The following TEX11 variants were observed in gnomAD, a reference collection of about 807,000 sequenced individuals.
TEX11 encodes testis expressed 11, also known as testis-expressed protein 11.
TEX11 carries 7 observed loss-of-function variants against 84.4 expected under a neutral mutation model. That is an observed-to-expected ratio of 0.08 (90% CI 0.05 to 0.16). TEX11 has a LOEUF of 0.16. Ranked by LOEUF, TEX11 falls within the 10% of genes least tolerant of loss-of-function variation. The pLI is 1.00. For synonymous variants in TEX11, 264 were observed against 222.8 expected, an observed-to-expected ratio of 1.18 and a Z score of -1.64; for missense variants, 551 against 660.5, an observed-to-expected ratio of 0.83 and a Z score of 1.82.
At chrX:70,679,500 C>T (rs1489069197) in intron 14 of TEX11, among the ~76,000 whole-genome samples, 3 of 109,840 alleles carry the variant, frequency 2.7e-5, no homozygotes, top group South Asian at 8.0e-4. Context: ...TGAGGAGCGC[C>T]TCTTCCCGGC....
chrX:70,788,685 AACACACACACACACACACACAC>A lies in TEX11; in HGVS notation c.692+17998_692+18019del, dbSNP rs753573687. ...ATCAGAAAATGTAAATCTCTTGGGA[AACACACACACACACACACACAC>A]ACACACACACACACACACACACAGG... On this transcript the variant is annotated intron_variant, in intron 9 of 29. Coordinates refer to ENST00000374333, the MANE Select transcript of TEX11 (RefSeq NM_031276.3). Among the ~76,000 whole-genome samples, 70 of 69,450 alleles carry A rather than the reference AACACACACACACACACACACAC, an allele frequency of 1.0e-3. 3 individuals carry two copies. The South Asian group carries it at 0.066, about 65-fold the overall frequency. 60.3% of individuals were successfully genotyped at this position (69,450 alleles called of 115,157 possible).
At chrX:70,620,145 G>A (rs142179211) in intron 20 of TEX11, among the ~76,000 whole-genome samples, 1 of 110,834 alleles carries the variant, frequency 9.0e-6, no homozygotes, top group Non-Finnish European at 1.9e-5. Context: ...TCTTTTAACC[G>A]TTATGATCCT....
chrX:70,667,473 A>C (rs1045296850), intron 16 of TEX11, among the ~76,000 whole-genome samples: 2 of 112,103 alleles, frequency 1.8e-5, no homozygotes, highest in Non-Finnish European at 3.8e-5. Context: ...AACACATAGG[A>C]GACAATAAAT....
At chrX:70,532,957 G>C (rs2087908520) in intron 28 of TEX11, among the ~76,000 whole-genome samples, 1 of 110,834 alleles carries the variant, frequency 9.0e-6, no homozygotes, top group South Asian at 3.9e-4. Flanking sequence ...AGAATGGCGT[G>C]AACCTGGGAG....
the TEX11 span, among the ~76,000 whole-genome samples, chrX:70,512,145 G>C: frequency 9.3e-6 from 1 of 107,681 alleles, no homozygotes; most frequent in East Asian, 2.9e-4. Flanking sequence ...TTTTCCTTTT[G>C]CCTGGAATAC....
chrX:70,598,701 A>C (rs1437073290), intron 24 of TEX11, among the ~76,000 whole-genome samples: 2 of 112,327 alleles, frequency 1.8e-5, no homozygotes, highest in African/African-American at 6.5e-5. Context: ...GAAATGAAAC[A>C]CTGATACATG....
intron 12 of TEX11, among the ~76,000 whole-genome samples, chrX:70,723,125 AG>A (rs1279335806): frequency 8.9e-6 from 1 of 111,994 alleles, no homozygotes; most frequent in African/African-American, 3.2e-5. Flanking sequence ...GGATTACCTG[AG>A]ATAATGTATG....
At chrX:70,785,785 G>A (rs914719981) in intron 9 of TEX11, among the ~76,000 whole-genome samples, 2 of 111,890 alleles carry the variant, frequency 1.8e-5, no homozygotes, top group Non-Finnish European at 3.8e-5. Context: ...TCTCACACCC[G>A]TTAGAATAGA....
At chrX:70,865,226 A>G (rs2091593132) in intron 4 of TEX11, among the ~76,000 whole-genome samples, 1 of 111,578 alleles carries the variant, frequency 9.0e-6, no homozygotes, top group Non-Finnish European at 1.9e-5. Context: ...TGGAAAACAA[A>G]AAAAGCAGGG....
intron 17 of TEX11, among the ~76,000 whole-genome samples, chrX:70,632,107 C>A: frequency 1.3e-5 from 1 of 78,279 alleles, no homozygotes; most frequent in Admixed American, 1.7e-4. Context: ...AATAAAAATG[C>A]TAAAGGAAAA....
rs1368689531 is a variant in TEX11 at position 70,678,900 on chromosome X, A to G, written c.1157-11T>C. 11 of 1,181,437 alleles carry G rather than the reference A, an allele frequency of 9.3e-6. No individual in the cohort carries two copies. The highest frequency in any genetic ancestry group is 1.2e-5 in the Non-Finnish European group (11 of 881,327). The stretch of plus-strand genomic sequence containing the variant: ...TTCCTGTTTGGTGAGCTGAAAAAAA[A>G]AAAAAGCTCTGAAAATAAGAATCTC... On this transcript the variant is annotated splice_polypyrimidine_tract_variant and intron_variant, in intron 14 of 29. Transcript: ENST00000374333.
intron 7 of TEX11, among the ~76,000 whole-genome samples, chrX:70,839,360 GCT>G (rs1402411561): frequency 8.9e-6 from 1 of 111,914 alleles, no homozygotes; most frequent in Non-Finnish European, 1.9e-5. Flanking sequence ...AGCCACCACT[GCT>G]GATACCCAGG....
At chrX:70,524,403 A>C (rs1349391229), downstream of TEX11, among the ~76,000 whole-genome samples, 3 of 112,519 alleles carry the variant, frequency 2.7e-5, no homozygotes, top group African/African-American at 9.7e-5. Context: ...GTTTTATCGT[A>C]TACTTGGTTA....
At chrX:70,542,421 C>T (rs2088058153) in intron 28 of TEX11, among the ~76,000 whole-genome samples, 1 of 111,602 alleles carries the variant, frequency 9.0e-6, no homozygotes, top group Admixed American at 9.5e-5. Context: ...TTTGTTATAG[C>T]AGCCCGAATT....
intron 9 of TEX11, among the ~76,000 whole-genome samples, chrX:70,747,812 G>A (rs1242778390): frequency 9.0e-6 from 1 of 110,989 alleles, no homozygotes. Context: ...TGCACAACCT[G>A]CAGGTTTGTT....
chrX:70,738,482 C>G (rs184746957), intron 11 of TEX11, among the ~76,000 whole-genome samples: 1 of 112,051 alleles, frequency 8.9e-6, no homozygotes, highest in African/African-American at 3.2e-5. Flanking sequence ...GAAATAGGAA[C>G]GCTCTTACAC....
chrX:70,672,570 G>A (rs1018505698), intron 15 of TEX11, among the ~76,000 whole-genome samples: 1 of 111,265 alleles, frequency 9.0e-6, no homozygotes, highest in Non-Finnish European at 1.9e-5. Context: ...ATCTCCTTGG[G>A]GTTTTCGTTT....
At chrX:70,725,413 C>T in intron 11 of TEX11, 70 bp from the exon 12 acceptor site, 1 of 742,149 alleles carries the variant, frequency 1.3e-6, no homozygotes, top group South Asian at 3.1e-5. Context: ...CAAGTAATTG[C>T]CTGCTTTATT....
intron 13 of TEX11, among the ~76,000 whole-genome samples, chrX:70,692,158 A>G (rs2090241007): frequency 8.9e-6 from 1 of 111,987 alleles, no homozygotes. Context: ...TAATGTATAC[A>G]ATTTGATGAG....
Sources: gnomAD v4.1 joint callset for allele counts (sites outside exome capture counted in the v4.1 genomes callset) on GRCh38, gnomAD v4.1.1 for gene constraint, MANE v1.5 for transcripts, NCBI Gene and HGNC (gene_info 2026-07-23, HGNC 2026-07-21) for gene names.